HMBOX1: variants seen among roughly 807,000 people sequenced by gnomAD.
HMBOX1 encodes the protein homeobox-containing protein 1.
Under a neutral mutation model 54.5 loss-of-function variants are expected in HMBOX1, and 14 were observed. The ratio of observed to expected loss-of-function variants is 0.26; its 90% confidence interval spans 0.17 to 0.40. The LOEUF (loss-of-function observed/expected upper bound fraction) is 0.40. Ranked by LOEUF, HMBOX1 falls within the 10% of genes least tolerant of loss-of-function variation. The probability of loss-of-function intolerance (pLI) is 1.00; values close to 1 mark genes in which losing one functional copy is unlikely to be tolerated. For synonymous variants in HMBOX1, 160 were observed against 181.0 expected (o/e 0.88, Z 0.93); for missense variants, 332 against 514.4 (o/e 0.65, Z 3.43).
intron 9 of HMBOX1, 149 bp downstream of exon 9, chr8:29,049,197 T>C: frequency 6.7e-7 from 1 of 1,496,288 alleles, no homozygotes; most frequent in Non-Finnish European, 9.0e-7. Context: ...TTAGATTTCA[T>C]GTAATTTGAA....
rs141221010 is a variant in HMBOX1, at chr8:28,979,104, C to T, written c.501-967C>T. ...TAGCCCATAGGCGGTAATTTGCTGA[C>T]CCCTGTGTTAGATAAGAAGTTACCT... On this transcript the variant is annotated intron_variant, in intron 3 of 9. Transcript: ENST00000287701. 3.2e-3 allele frequency among the ~76,000 whole-genome samples: 494 copies of T among 152,274 alleles called. 2 individuals are homozygous for T. Among genetic ancestry groups the T allele is most frequent in the African/African-American group, 0.011 (470 of 41,546 alleles).
At chr8:28,904,602 A>T (rs751678722) in intron 1 of HMBOX1, among the ~76,000 whole-genome samples, 1 of 151,934 alleles carries the variant, frequency 6.6e-6, no homozygotes, top group Non-Finnish European at 1.5e-5. Flanking sequence ...TTTCAAGTTA[A>T]TCGTCTTAAA....
chr8:28,973,812 T>TGTTTGTTTGTTTG (rs1827874980), intron 3 of HMBOX1, among the ~76,000 whole-genome samples: 1 of 26,060 alleles, frequency 3.8e-5, no homozygotes, highest in African/African-American at 1.3e-4. Flanking sequence ...AGTTTTTTTT[T>TGTTTGTTTGTTTG]TTTTTTTTTT....
At chr8:28,922,105 T>C (rs1159432690) in intron 1 of HMBOX1, among the ~76,000 whole-genome samples, 3 of 152,216 alleles carry the variant, frequency 2.0e-5, no homozygotes, top group Admixed American at 1.3e-4. Flanking sequence ...TTTATGCAGC[T>C]ATGGATCAAA....
At chr8:28,894,493 G>A (rs1244852057) in intron 1 of HMBOX1, among the ~76,000 whole-genome samples, 1 of 151,998 alleles carries the variant, frequency 6.6e-6, no homozygotes, top group African/African-American at 2.4e-5. Context: ...CACAGATTTT[G>A]TTAAAATACA....
chr8:29,047,863 G>A (rs1805833125), intron 8 of HMBOX1, among the ~76,000 whole-genome samples: 1 of 152,092 alleles, frequency 6.6e-6, no homozygotes, highest in Non-Finnish European at 1.5e-5. Context: ...CACCGTGCCG[G>A]ATCCTAACTT....
Position 28,923,679 on chromosome 8 carries a change from C to T in HMBOX1, c.-58+33001C>T, listed in dbSNP as rs189924949. Reference sequence around the variant, plus strand: ...TTCTGTTTAACTTCTTGAGGAACTCCCAAACTGTTTACACAGTGGCTGTAC... The same window carrying T: ...TTCTGTTTAACTTCTTGAGGAACTCTCAAACTGTTTACACAGTGGCTGTAC... On this transcript the variant is annotated intron_variant, in intron 1 of 9. Transcript: ENST00000287701. Among the ~76,000 whole-genome samples the T allele has an allele frequency of 1.1e-3, 167 of 152,276 alleles. 2 individuals carry two copies. The highest frequency in any genetic ancestry group is 3.9e-3 in the African/African-American group (160 of 41,552).
At chr8:28,955,638 C>T (rs6985217) in intron 1 of HMBOX1, among the ~76,000 whole-genome samples, 97,271 of 151,964 alleles carry the variant, frequency 0.64, 31,321 homozygotes, top group East Asian at 0.75. Context: ...CTGTGTTGAT[C>T]GAAACAACTC....
At position 28,890,600 on chromosome 8, in the gene HMBOX1, C is replaced by T. The variant is rs767519178; in HGVS notation, c.-136C>T. ...ACCCCTCCCCCTCCCGCCTTCCCTC[C>T]TCCCTATCTCAGCCCTTCGTACTGG... On this transcript the variant is annotated 5_prime_UTR_variant, in exon 1 of 10. Coordinates refer to ENST00000287701, the MANE Select transcript of HMBOX1 (RefSeq NM_001135726.3). 6.5e-6 allele frequency: 1 copy of T among 153,086 alleles called. No homozygotes were observed. The highest frequency in any genetic ancestry group is 2.4e-5 in the African/African-American group (1 of 41,464). 9.5% of individuals were successfully genotyped at this position (153,086 alleles called of 1,614,324 possible).
chr8:28,962,554 C>T (rs901426396), intron 1 of HMBOX1, among the ~76,000 whole-genome samples: 8 of 152,180 alleles, frequency 5.3e-5, no homozygotes, highest in Non-Finnish European at 8.8e-5. Flanking sequence ...ACTCCTCACA[C>T]ATACTGTGTT....
chr8:28,922,674 T>C (rs925926472), intron 1 of HMBOX1, among the ~76,000 whole-genome samples: 5 of 152,186 alleles, frequency 3.3e-5, no homozygotes, highest in African/African-American at 9.7e-5. Flanking sequence ...CAGGCATTAA[T>C]TTTATGTTAT....
chr8:28,909,615 CA>C (rs1171778021), intron 1 of HMBOX1, among the ~76,000 whole-genome samples: 10 of 152,156 alleles, frequency 6.6e-5, no homozygotes, highest in African/African-American at 2.4e-5. Context: ...TTGTCTTTCA[CA>C]CCAGACACAG....
At chr8:28,899,487 A>G (rs1381433700) in intron 1 of HMBOX1, among the ~76,000 whole-genome samples, 1 of 152,240 alleles carries the variant, frequency 6.6e-6, no homozygotes, top group Non-Finnish European at 1.5e-5. Flanking sequence ...ATCCCTGACA[A>G]GAAAATTTGT....
chr8:28,964,445 G>T (rs1425362572), intron 2 of HMBOX1, among the ~76,000 whole-genome samples: 1 of 152,156 alleles, frequency 6.6e-6, no homozygotes, highest in Non-Finnish European at 1.5e-5. Flanking sequence ...GTGTTTTTGT[G>T]CTAGGATATG....
chr8:28,972,911 T>G (rs1449381229), intron 3 of HMBOX1, among the ~76,000 whole-genome samples: 1 of 152,236 alleles, frequency 6.6e-6, no homozygotes, highest in Non-Finnish European at 1.5e-5. Context: ...TATACAGGTT[T>G]ATACTTTGTT....
At chr8:28,960,551 G>A (rs1291172405) in intron 1 of HMBOX1, among the ~76,000 whole-genome samples, 2 of 150,882 alleles carry the variant, frequency 1.3e-5, no homozygotes, top group African/African-American at 2.4e-5. Flanking sequence ...TCAAATTTCT[G>A]TTTTTTAAAT....
At chr8:28,996,234 A>T (rs1280545927) in intron 4 of HMBOX1, among the ~76,000 whole-genome samples, 1 of 152,008 alleles carries the variant, frequency 6.6e-6, no homozygotes, top group East Asian at 1.9e-4. Flanking sequence ...ATATTAGTTC[A>T]TATATAAGTT....
chr8:28,917,369 A>G (rs950591217), intron 1 of HMBOX1, among the ~76,000 whole-genome samples: 2 of 152,208 alleles, frequency 1.3e-5, no homozygotes, highest in African/African-American at 4.8e-5. Context: ...ATTGTTAATA[A>G]GTAGAAATGT....
intron 1 of HMBOX1, among the ~76,000 whole-genome samples, chr8:28,942,025 A>G (rs1398032325): frequency 1.3e-5 from 2 of 152,144 alleles, no homozygotes; most frequent in East Asian, 3.8e-4. Context: ...AGGCCACCCC[A>G]GTGTGGTACC....
Sources: allele counts gnomAD v4.1 joint callset (sites outside exome capture counted in the v4.1 genomes callset), GRCh38; gene constraint gnomAD v4.1.1; transcripts MANE v1.5; gene names NCBI Gene and HGNC (gene_info 2026-07-23, HGNC 2026-07-21).